The following GAREM1 variants were observed in gnomAD, a reference collection of about 807,000 sequenced individuals.
GAREM1 encodes GRB2 associated regulator of MAPK1 subtype 1.
GAREM1 carries 26 observed loss-of-function variants against 71.3 expected under a neutral mutation model. The observed-to-expected ratio is 0.36, with a 90% CI of 0.27 to 0.51. GAREM1 has a LOEUF of 0.51. GAREM1 is among the 20% of genes least tolerant of loss of function. GAREM1 has a pLI of 0.95. For missense variants in GAREM1, 1,026 were observed against 1,103.1 expected (o/e 0.93, Z 0.99); for synonymous variants, 440 against 433.2 (o/e 1.02, Z -0.20).
At position 32,278,188 on chromosome 18, in the gene GAREM1, G is replaced by C. The variant is rs2041567287; in HGVS notation, c.1567-7805C>G. Among the ~76,000 whole-genome samples the C allele has an allele frequency of 2.6e-5, 4 of 152,146 alleles. No individual in the cohort carries two copies. In the South Asian group the frequency reaches 8.3e-4, roughly 32 times the overall value. ...TTAGCAGTTTTCAGATAGCCTTTTGGGAAAAAAATCAATTTCAGAGCAGTG... is the reference window on the plus strand; with the variant it reads ...TTAGCAGTTTTCAGATAGCCTTTTGCGAAAAAAATCAATTTCAGAGCAGTG... On this transcript the variant is annotated intron_variant, in intron 4 of 5. Coordinates refer to ENST00000269209, the MANE Select transcript of GAREM1 (RefSeq NM_001242409.2).
At chr18:32,427,780 T>C (rs7245123) in intron 1 of GAREM1, among the ~76,000 whole-genome samples, 37,466 of 152,036 alleles carry the variant, frequency 0.25, 5,705 homozygotes, top group African/African-American at 0.42. Flanking sequence ...ATTTTCCTTC[T>C]AACCATAAAA....
intron 1 of GAREM1, among the ~76,000 whole-genome samples, chr18:32,416,420 G>C (rs1413305499): frequency 6.6e-6 from 1 of 151,974 alleles, no homozygotes; most frequent in Non-Finnish European, 1.5e-5. Flanking sequence ...AAGCTATCCT[G>C]AGCAAAAGAA....
At chr18:32,314,655 C>T (rs996032234) in intron 2 of GAREM1, among the ~76,000 whole-genome samples, 6 of 151,100 alleles carry the variant, frequency 4.0e-5, no homozygotes, top group Non-Finnish European at 8.8e-5. Context: ...ATGCTGCGAT[C>T]TCAGCTCACT....
intron 2 of GAREM1, among the ~76,000 whole-genome samples, chr18:32,320,455 T>C (rs1037184982): frequency 4.6e-5 from 7 of 152,098 alleles, no homozygotes; most frequent in African/African-American, 1.7e-4. Context: ...TATTTTTTCA[T>C]GGCGGAGGAA....
chr18:32,332,405 T>G (rs2047546324), intron 2 of GAREM1, among the ~76,000 whole-genome samples: 1 of 151,532 alleles, frequency 6.6e-6, no homozygotes, highest in Non-Finnish European at 1.5e-5. Context: ...GGGTTGGAGA[T>G]ATACACTTTC....
chr18:32,457,599 A>G (rs886383979), intron 1 of GAREM1, among the ~76,000 whole-genome samples: 12 of 152,078 alleles, frequency 7.9e-5, no homozygotes, highest in African/African-American at 2.7e-4. Flanking sequence ...CTGATCTACT[A>G]TAAAGTTAAT....
At chr18:32,330,307 G>T (rs1029669909) in intron 2 of GAREM1, among the ~76,000 whole-genome samples, 2 of 152,164 alleles carry the variant, frequency 1.3e-5, no homozygotes, top group African/African-American at 4.8e-5. Flanking sequence ...CTAAACATTG[G>T]ATACTCATGG....
intron 4 of GAREM1, among the ~76,000 whole-genome samples, chr18:32,285,687 CTCT>C (rs777910931): frequency 7.2e-5 from 11 of 152,230 alleles, no homozygotes; most frequent in Non-Finnish European, 1.0e-4. Context: ...CATTATCTCT[CTCT>C]TGTTTTCCTA....
chr18:32,396,197 A>G (rs1599017200), intron 1 of GAREM1, among the ~76,000 whole-genome samples: 1 of 152,262 alleles, frequency 6.6e-6, no homozygotes, highest in East Asian at 1.9e-4. Context: ...AGTAGATAAA[A>G]CCACAAAGAT....
chr18:32,270,854 CTGGTCCAGAGCTAAAGCTCCT>C (rs2041450584), intron 4 of GAREM1, among the ~76,000 whole-genome samples: 1 of 149,504 alleles, frequency 6.7e-6, no homozygotes, highest in Non-Finnish European at 1.5e-5. Context: ...AACCCTGGAC[CTGGTCCAGAGCTAAAGCTCCT>C]TCTGAAGTCA....
At chr18:32,395,192 A>T (rs894910761) in intron 1 of GAREM1, among the ~76,000 whole-genome samples, 2 of 152,176 alleles carry the variant, frequency 1.3e-5, no homozygotes, top group African/African-American at 4.8e-5. Context: ...CTGCTCTTCC[A>T]ATGCCACAAT....
chr18:32,334,162 A>C (rs1391148919), intron 2 of GAREM1, among the ~76,000 whole-genome samples: 1 of 152,164 alleles, frequency 6.6e-6, no homozygotes, highest in Non-Finnish European at 1.5e-5. Flanking sequence ...TCCCAATCTA[A>C]CTTAGCCACT....
intron 1 of GAREM1, among the ~76,000 whole-genome samples, chr18:32,469,646 A>T (rs1234040989): frequency 2.0e-5 from 3 of 152,190 alleles, no homozygotes; most frequent in Non-Finnish European, 4.4e-5. Context: ...TTCTGAGCTC[A>T]GGTTCCGAAT....
intron 1 of GAREM1, among the ~76,000 whole-genome samples, chr18:32,395,404 A>C (rs1383486970): frequency 6.6e-6 from 1 of 152,206 alleles, no homozygotes; most frequent in Admixed American, 6.5e-5. Context: ...CAATAACAAA[A>C]CTAAGTAATT....
chr18:32,468,467 G>C (rs115485482), intron 1 of GAREM1, among the ~76,000 whole-genome samples: 2 of 152,130 alleles, frequency 1.3e-5, no homozygotes, highest in African/African-American at 4.8e-5. Flanking sequence ...GGAAATAAGA[G>C]AAATTTACAA....
chr18:32,289,737 C>G (rs2047061285), intron 3 of GAREM1, among the ~76,000 whole-genome samples: 1 of 152,168 alleles, frequency 6.6e-6, no homozygotes. Context: ...ACTGGGGAAG[C>G]TGCTGTTTGC....
chr18:32,434,357 G>A (rs1056316593), intron 1 of GAREM1, among the ~76,000 whole-genome samples: 2 of 152,078 alleles, frequency 1.3e-5, no homozygotes, highest in Non-Finnish European at 2.9e-5. Flanking sequence ...TAGAAGCCTA[G>A]GGCTGTCACT....
chr18:32,430,114 C>T (rs1349957694), intron 1 of GAREM1, among the ~76,000 whole-genome samples: 1 of 152,094 alleles, frequency 6.6e-6, no homozygotes, highest in East Asian at 1.9e-4. Flanking sequence ...GTGGAAGAAA[C>T]AATTAACACT....
chr18:32,271,768 T>A (rs1294016496), intron 4 of GAREM1, among the ~76,000 whole-genome samples: 2 of 152,296 alleles, frequency 1.3e-5, no homozygotes, highest in East Asian at 3.9e-4. Context: ...ATCTGTGCTG[T>A]CCATGGCTTC....
Sources: allele counts gnomAD v4.1 joint callset (sites outside exome capture counted in the v4.1 genomes callset), GRCh38; gene constraint gnomAD v4.1.1; transcripts MANE v1.5; gene names NCBI Gene and HGNC (gene_info 2026-07-23, HGNC 2026-07-21).